Variants in STXBP5L observed in about 807,000 individuals in gnomAD.
STXBP5L encodes syntaxin-binding protein 5-like.
A neutral mutation model predicts 144.5 loss-of-function variants in STXBP5L; 65 were observed. The observed-to-expected ratio is 0.45, with a 90% CI of 0.37 to 0.55. The LOEUF is 0.55. Among genes scored for constraint, STXBP5L ranks in the 20% least tolerant of loss-of-function variants. The probability of loss-of-function intolerance (pLI) is 0.00; values close to 1 mark genes in which losing one functional copy is unlikely to be tolerated. For missense variants in STXBP5L, 1,298 were observed against 1,405.5 expected, an observed-to-expected ratio of 0.92 and a Z score of 1.22; for synonymous variants, 505 against 469.6, an observed-to-expected ratio of 1.08 and a Z score of -0.97.
intron 17 of STXBP5L, among the ~76,000 whole-genome samples, chr3:121,258,579 A>T (rs1366085822): frequency 6.6e-6 from 1 of 152,132 alleles, no homozygotes; most frequent in Non-Finnish European, 1.5e-5. Flanking sequence ...GTATTTGATA[A>T]TTGGTTTGTT....
chr3:121,311,443 A>C (rs895466868), intron 19 of STXBP5L, among the ~76,000 whole-genome samples: 1 of 152,252 alleles, frequency 6.6e-6, no homozygotes, highest in African/African-American at 2.4e-5. Flanking sequence ...TTAAATTAAA[A>C]GTGTGGTATA....
At chr3:120,987,949 T>A (rs1248702086) in intron 3 of STXBP5L, among the ~76,000 whole-genome samples, 2 of 151,972 alleles carry the variant, frequency 1.3e-5, no homozygotes, top group East Asian at 3.9e-4. Flanking sequence ...TCATGAGAGA[T>A]TTGATATTCC....
intron 3 of STXBP5L, among the ~76,000 whole-genome samples, chr3:121,020,003 C>T (rs1945430385): frequency 6.6e-6 from 1 of 152,014 alleles, no homozygotes; most frequent in Admixed American, 6.6e-5. Flanking sequence ...AGGTGAAGTC[C>T]AACTTAACGA....
intron 10 of STXBP5L, among the ~76,000 whole-genome samples, chr3:121,208,245 A>G (rs2048416341): frequency 6.7e-6 from 1 of 149,596 alleles, no homozygotes; most frequent in African/African-American, 2.5e-5. Flanking sequence ...AGAAAACCAA[A>G]CACCACATGT....
intron 19 of STXBP5L, among the ~76,000 whole-genome samples, chr3:121,286,408 C>T (rs1481237773): frequency 6.6e-6 from 1 of 152,086 alleles, no homozygotes; most frequent in Non-Finnish European, 1.5e-5. Context: ...ATGGGGAAAA[C>T]ATTCATTCAA....
chr3:121,292,458 AACT>A (rs2051477293), intron 19 of STXBP5L, among the ~76,000 whole-genome samples: 1 of 152,232 alleles, frequency 6.6e-6, no homozygotes. Flanking sequence ...AAACTACTAC[AACT>A]ACTATGGAAA....
chr3:121,312,158 G>T (rs2043553786), intron 19 of STXBP5L, among the ~76,000 whole-genome samples: 1 of 152,134 alleles, frequency 6.6e-6, no homozygotes, highest in Non-Finnish European at 1.5e-5. Context: ...AGCTGAAACT[G>T]AATCCCTGCC....
At chr3:120,923,166 C>T (rs528605144) in intron 2 of STXBP5L, among the ~76,000 whole-genome samples, 4 of 151,794 alleles carry the variant, frequency 2.6e-5, no homozygotes, top group African/African-American at 7.2e-5. Flanking sequence ...AATAATTCCT[C>T]GCATTTCTGT....
intron 18 of STXBP5L, among the ~76,000 whole-genome samples, chr3:121,263,399 A>G (rs1389335354): frequency 2.0e-5 from 3 of 152,198 alleles, no homozygotes; most frequent in Non-Finnish European, 4.4e-5. Flanking sequence ...TCCAAAAACA[A>G]GAAAGCCTCT....
intron 18 of STXBP5L, among the ~76,000 whole-genome samples, 173 bp from the exon 19 acceptor site, chr3:121,279,632 G>A (rs1019949479): frequency 1.2e-4 from 18 of 151,762 alleles, no homozygotes; most frequent in Non-Finnish European, 1.6e-4. Flanking sequence ...CCTATTATAC[G>A]AAGACAGTTT....
At chr3:120,998,309 A>G (rs1246812786) in intron 3 of STXBP5L, among the ~76,000 whole-genome samples, 4 of 152,178 alleles carry the variant, frequency 2.6e-5, no homozygotes, top group Non-Finnish European at 2.9e-5. Flanking sequence ...TTTGCAGACA[A>G]TATGATTTTA....
At chr3:121,077,478 G>A (rs1438119005) in intron 5 of STXBP5L, among the ~76,000 whole-genome samples, 1 of 152,158 alleles carries the variant, frequency 6.6e-6, no homozygotes, top group Non-Finnish European at 1.5e-5. Flanking sequence ...CCTTCACGGT[G>A]AGTGTTACAG....
intron 5 of STXBP5L, among the ~76,000 whole-genome samples, chr3:121,082,316 A>G (rs2042286285): frequency 6.6e-6 from 1 of 152,150 alleles, no homozygotes; most frequent in African/African-American, 2.4e-5. Context: ...TGGCATACAA[A>G]TCATGTACAT....
chr3:121,374,079 C>T (rs776290198), intron 20 of STXBP5L, among the ~76,000 whole-genome samples: 3 of 152,166 alleles, frequency 2.0e-5, no homozygotes, highest in Admixed American at 6.5e-5. Context: ...TGCTCACATA[C>T]CCCACCAAGA....
chr3:121,260,741 C>T (rs2050357435), intron 18 of STXBP5L, among the ~76,000 whole-genome samples: 1 of 152,082 alleles, frequency 6.6e-6, no homozygotes, highest in African/African-American at 2.4e-5. Flanking sequence ...TTCTGTACTT[C>T]CTAAGCTGAG....
chr3:121,216,681 G>C (rs1577235037), intron 10 of STXBP5L, among the ~76,000 whole-genome samples: 1 of 152,308 alleles, frequency 6.6e-6, no homozygotes, highest in African/African-American at 2.4e-5. Context: ...ACTTGAAGAG[G>C]CTGTCTGTCC....
chr3:121,359,488 G>A (rs1233384575), intron 20 of STXBP5L, among the ~76,000 whole-genome samples: 1 of 151,968 alleles, frequency 6.6e-6, no homozygotes, highest in African/African-American at 2.4e-5. Context: ...TGTTTGCTTT[G>A]GGGGTGCTTG....
Position 120,943,711 on chromosome 3 carries a change from C to A in STXBP5L, c.190-11229C>A, listed in dbSNP as rs1046046051. 1.1e-4 allele frequency among the ~76,000 whole-genome samples: 16 copies of A among 151,618 alleles called. 1 individual carries two copies. Among genetic ancestry groups the A allele is most frequent in the Admixed American group, 9.2e-4 (14 of 15,174 alleles). Reference sequence around the variant, plus strand: ...ATATGATGAGTTTCCTGTGAAATTACTACTATATTCAAAATAGCCCTTTTG... The same window carrying A: ...ATATGATGAGTTTCCTGTGAAATTAATACTATATTCAAAATAGCCCTTTTG... On this transcript the variant is annotated intron_variant, in intron 2 of 26. Transcript: ENST00000471454.
intron 7 of STXBP5L, among the ~76,000 whole-genome samples, chr3:121,126,462 G>A (rs1206862734): frequency 2.6e-5 from 4 of 152,066 alleles, no homozygotes; most frequent in African/African-American, 7.2e-5. Flanking sequence ...ACCTGTTGAA[G>A]GTACCAGGTG....
Sources: gnomAD v4.1 joint callset for allele counts (sites outside exome capture counted in the v4.1 genomes callset) on GRCh38, gnomAD v4.1.1 for gene constraint, MANE v1.5 for transcripts, NCBI Gene and HGNC (gene_info 2026-07-23, HGNC 2026-07-21) for gene names.